Variants in AK5 observed in about 807,000 individuals in gnomAD.
AK5 encodes the protein adenylate kinase 5, also known as adenylate kinase isoenzyme 5.
A neutral mutation model predicts 69.5 loss-of-function variants in AK5; 27 were observed. The ratio of observed to expected loss-of-function variants is 0.39; its 90% CI spans 0.29 to 0.54. AK5 has a LOEUF of 0.54. Among genes scored for constraint, AK5 ranks in the 20% least tolerant of loss-of-function variants. The pLI is 0.71. For missense variants in AK5, 531 were observed against 700.4 expected (o/e 0.76, Z 2.73); for synonymous variants, 260 against 244.4 (o/e 1.06, Z -0.60).
intron 6 of AK5, among the ~76,000 whole-genome samples, chr1:77,355,047 C>T (rs576281554): frequency 4.5e-4 from 69 of 151,894 alleles, no homozygotes; most frequent in Non-Finnish European, 9.1e-4. Context: ...GTTTTTTTAC[C>T]AAAGCTTTAT....
intron 8 of AK5, among the ~76,000 whole-genome samples, chr1:77,423,990 C>T (rs138548840): frequency 1.3e-5 from 2 of 152,094 alleles, no homozygotes; most frequent in Non-Finnish European, 2.9e-5. Flanking sequence ...AGAAAAGTAT[C>T]GAAAAACACT....
chr1:77,373,022 T>C (rs1385640306), intron 6 of AK5, among the ~76,000 whole-genome samples: 1 of 152,238 alleles, frequency 6.6e-6, no homozygotes, highest in African/African-American at 2.4e-5. Context: ...ATCTTTGCTT[T>C]CTTTATGTCC....
chr1:77,361,355 A>G (rs894622615), intron 6 of AK5, among the ~76,000 whole-genome samples: 2 of 152,208 alleles, frequency 1.3e-5, no homozygotes, highest in Non-Finnish European at 2.9e-5. Context: ...CTTACTACCT[A>G]TAGGACCTGA....
At chr1:77,519,494 CA>C (rs1038028397) in intron 11 of AK5, among the ~76,000 whole-genome samples, 1 of 152,092 alleles carries the variant, frequency 6.6e-6, no homozygotes, top group Non-Finnish European at 1.5e-5. Flanking sequence ...ATCCAGACCC[CA>C]AGAGAGGGTT....
chr1:77,421,344 G>T (rs1650798143), intron 8 of AK5, among the ~76,000 whole-genome samples: 1 of 152,170 alleles, frequency 6.6e-6, no homozygotes, highest in African/African-American at 2.4e-5. Flanking sequence ...AAGAGGTAAA[G>T]CCAGGATTCA....
intron 13 of AK5, among the ~76,000 whole-genome samples, chr1:77,538,994 A>G (rs1444731373): frequency 1.3e-5 from 2 of 152,244 alleles, no homozygotes; most frequent in African/African-American, 4.8e-5. Flanking sequence ...AAAATGTTTG[A>G]AGAATAAGCC....
At chr1:77,298,000 G>A in intron 5 of AK5, 53 bp downstream of exon 5, 2 of 1,377,182 alleles carry the variant, frequency 1.5e-6, no homozygotes, top group South Asian at 1.3e-5. Flanking sequence ...TAAAATTTTG[G>A]GAATAAAAAC....
In AK5 at chr1:77,355,174, C is replaced by T. The variant is rs531252880; in HGVS notation, c.891+14606C>T. On this transcript the variant is annotated intron_variant, in intron 6 of 13. Transcript: ENST00000354567. ...ATTTCCAACTAAATTCTGTCTGTCT[C>T]AGAAGATTTTGTAAAGCCTTAGGTG... 1.1e-4 allele frequency among the ~76,000 whole-genome samples: 17 copies of T among 152,308 alleles called. No homozygotes were observed. In the East Asian group the frequency reaches 2.7e-3, roughly 24 times the overall value.
chr1:77,427,722 T>A (rs985897339), intron 8 of AK5, among the ~76,000 whole-genome samples: 6 of 152,278 alleles, frequency 3.9e-5, no homozygotes, highest in Middle Eastern at 6.8e-3. Context: ...CAACAACATA[T>A]GTAAAAAGCC....
intron 8 of AK5, among the ~76,000 whole-genome samples, chr1:77,457,368 C>A (rs1653558709): frequency 6.6e-6 from 1 of 152,116 alleles, no homozygotes; most frequent in African/African-American, 2.4e-5. Flanking sequence ...TCTGTTCTTG[C>A]TTTTTAGAAT....
At chr1:77,536,770 A>G (rs755925063) in intron 13 of AK5, among the ~76,000 whole-genome samples, 1 of 152,204 alleles carries the variant, frequency 6.6e-6, no homozygotes, top group Non-Finnish European at 1.5e-5. Context: ...ATCGTTCACA[A>G]TTGGCTCTTG....
chr1:77,482,291 C>T (rs781456304), intron 8 of AK5, among the ~76,000 whole-genome samples: 1 of 152,074 alleles, frequency 6.6e-6, no homozygotes, highest in Non-Finnish European at 1.5e-5. Flanking sequence ...TCACCTAGTG[C>T]CTTTTTATAA....
At chr1:77,463,602 C>T (rs1653969485) in intron 8 of AK5, among the ~76,000 whole-genome samples, 1 of 149,922 alleles carries the variant, frequency 6.7e-6, no homozygotes, top group Non-Finnish European at 1.5e-5. Flanking sequence ...TTATTGTAAA[C>T]CTATGGAGTC....
At chr1:77,546,074 G>A (rs1482214999) in intron 13 of AK5, among the ~76,000 whole-genome samples, 6 of 151,966 alleles carry the variant, frequency 3.9e-5, no homozygotes, top group Non-Finnish European at 7.4e-5. Context: ...GTTTTGATTC[G>A]ATGCAATACT....
chr1:77,522,188 T>A (rs1418976600), intron 12 of AK5, among the ~76,000 whole-genome samples: 1 of 152,166 alleles, frequency 6.6e-6, no homozygotes, highest in East Asian at 1.9e-4. Context: ...TCTGACTCTC[T>A]CTCTCTCTCT....
intron 10 of AK5, among the ~76,000 whole-genome samples, chr1:77,511,336 G>T (rs142199347): frequency 2.6e-5 from 4 of 152,158 alleles, no homozygotes; most frequent in Non-Finnish European, 4.4e-5. Context: ...TGTAATATAT[G>T]TATGTATTTT....
In AK5 at chr1:77,297,563, T is replaced by C. The variant is rs1659083856; in HGVS notation, c.420T>C (p.Gly140=). The C allele has an allele frequency of 6.2e-7, 1 of 1,603,190 alleles. No individual in the cohort carries two copies. The highest frequency in any genetic ancestry group is 8.5e-7 in the Non-Finnish European group (1 of 1,176,020). Residue 140 remains glycine (G), a synonymous_variant, in exon 4 of 14, where the codon GGT becomes GGC. Transcript: ENST00000354567. The part of the protein sequence containing the change: ...PRPKIILVIG[G]PGSGKGTQSL... ...TTTGCCTGTTTTAAATACTAGGTGG[T>C]CCAGGAAGTGGAAAGGGTACTCAGA...
chr1:77,296,149 T>C lies in AK5; in HGVS notation c.416-1410T>C, dbSNP rs528038651. Among the ~76,000 whole-genome samples the C allele has an allele frequency of 3.9e-5, 6 of 152,288 alleles. No individual in the cohort carries two copies. In the South Asian group the frequency reaches 1.2e-3, roughly 32 times the overall value. On this transcript the variant is annotated intron_variant, in intron 3 of 13. Transcript: ENST00000354567. ...ATAATTGTACCTGAACCTTACAAAT[T>C]TGTATTAGTTCCAACCTAAAAATGT...
At chr1:77,474,656 A>C (rs1165725818) in intron 8 of AK5, among the ~76,000 whole-genome samples, 3 of 152,156 alleles carry the variant, frequency 2.0e-5, no homozygotes, top group Non-Finnish European at 4.4e-5. Context: ...TCAGTCCCTT[A>C]AGCTCTCCAC....
Sources: gnomAD v4.1 joint callset for allele counts (sites outside exome capture counted in the v4.1 genomes callset) on GRCh38, gnomAD v4.1.1 for gene constraint, MANE v1.5 for transcripts, NCBI Gene and HGNC (gene_info 2026-07-23, HGNC 2026-07-21) for gene names.